The following MTURN variants were observed in gnomAD, a reference collection of about 807,000 sequenced individuals.
MTURN encodes the protein maturin, neural progenitor differentiation regulator homolog.
Under a neutral mutation model 14.9 loss-of-function variants are expected in MTURN, and 7 were observed. That is an observed-to-expected ratio of 0.47 (90% CI 0.27 to 0.88). The LOEUF (loss-of-function observed/expected upper bound fraction) is 0.88. Ranked by LOEUF, MTURN falls within the 40% of genes least tolerant of loss-of-function variation. The pLI, the probability that MTURN is intolerant of heterozygous loss-of-function variation, is 0.14. For synonymous variants in MTURN, 69 were observed against 72.5 expected (o/e 0.95, Z 0.25); for missense variants, 151 against 174.1 (o/e 0.87, Z 0.75).
At chr7:30,141,971 C>A (rs938948578) in intron 1 of MTURN, among the ~76,000 whole-genome samples, 2 of 152,178 alleles carry the variant, frequency 1.3e-5, no homozygotes, top group African/African-American at 4.8e-5. Flanking sequence ...GTTCTTACCT[C>A]CCCTGCCACC....
In MTURN at chr7:30,135,190, C is replaced by T. The variant is rs777824725; in HGVS notation, c.54C>T (p.Pro18=). The change falls in exon 1 of 3, where the codon CCC becomes CCT. Residue 18 remains proline, a synonymous_variant. Coordinates refer to ENST00000324453, the MANE Select transcript of MTURN (RefSeq NM_152793.3). ...CGGAGAAATGGTGCTCCAACACGCCCTTCGAGCTCATCGCCACCGAGGAGA... is the reference window on the plus strand; with the variant it reads ...CGGAGAAATGGTGCTCCAACACGCCTTTCGAGCTCATCGCCACCGAGGAGA... ...DVAEKWCSNT[P]FELIATEETE... The T allele has an allele frequency of 2.0e-6, 3 of 1,503,580 alleles. No individual in the cohort carries two copies. Among genetic ancestry groups the T allele is most frequent in the Non-Finnish European group, 2.7e-6 (3 of 1,124,192 alleles). 93.1% of individuals were successfully genotyped at this position (1,503,580 alleles called of 1,614,324 possible).
chr7:30,155,386 G>T lies in MTURN; in HGVS notation c.286-2052G>T, dbSNP rs566326441. On this transcript the variant is annotated intron_variant, in intron 2 of 2. Coordinates refer to ENST00000324453, the MANE Select transcript of MTURN (RefSeq NM_152793.3). The stretch of plus-strand genomic sequence containing the variant: ...GACACTTTTACCTTGCTATGTCATC[G>T]AGCAGCTCTCCAAATAAAAAATTGA... 2.6e-5 allele frequency among the ~76,000 whole-genome samples: 4 copies of T among 152,190 alleles called. No homozygotes were observed. In the East Asian group the frequency reaches 7.7e-4, roughly 29 times the overall value.
chr7:30,150,436 C>CA (rs1797190786), intron 2 of MTURN, among the ~76,000 whole-genome samples: 1 of 152,218 alleles, frequency 6.6e-6, no homozygotes, highest in African/African-American at 2.4e-5. Context: ...CCACACGACT[C>CA]ACTGTGCTAG....
rs1249112821 is a variant in MTURN, at chr7:30,161,809, A to C, written c.*4261A>C. On this transcript the variant is annotated 3_prime_UTR_variant, in exon 3 of 3. Coordinates refer to ENST00000324453, the MANE Select transcript of MTURN (RefSeq NM_152793.3). The stretch of plus-strand genomic sequence containing the variant: ...ATTAAAAACTGATCCTTTTTCATAA[A>C]GACCCAGTCACTTCTCCCAGTTTAG... 6.6e-6 allele frequency: 1 copy of C among 152,150 alleles called. No individual in the cohort carries two copies. Among genetic ancestry groups the C allele is most frequent in the Non-Finnish European group, 1.5e-5 (1 of 68,018 alleles). 9.4% of individuals were successfully genotyped at this position (152,150 alleles called of 1,614,324 possible).
At chr7:30,153,945 T>C (rs1007765280) in intron 2 of MTURN, among the ~76,000 whole-genome samples, 1 of 152,162 alleles carries the variant, frequency 6.6e-6, no homozygotes, top group Non-Finnish European at 1.5e-5. Flanking sequence ...CTCAAACTCC[T>C]GTCCTCAAGT....
At chr7:30,145,977 G>A (rs1477536700) in intron 1 of MTURN, 200 bp from the exon 2 acceptor site, 43 of 1,550,998 alleles carry the variant, frequency 2.8e-5, no homozygotes, top group East Asian at 2.2e-4. Flanking sequence ...CCAAAAGCTC[G>A]GGGGCTTCTA....
At chr7:30,140,266 A>C (rs1255196777) in intron 1 of MTURN, among the ~76,000 whole-genome samples, 1 of 151,982 alleles carries the variant, frequency 6.6e-6, no homozygotes, top group African/African-American at 2.4e-5. Flanking sequence ...GACACGTTGG[A>C]CTCTAAAATT....
intron 2 of MTURN, among the ~76,000 whole-genome samples, chr7:30,155,725 G>T (rs1323687001): frequency 6.6e-6 from 1 of 152,202 alleles, no homozygotes; most frequent in African/African-American, 2.4e-5. Flanking sequence ...GACCAACAAT[G>T]CCTAGCAGAT....
intron 2 of MTURN, among the ~76,000 whole-genome samples, chr7:30,153,175 C>T (rs538940367): frequency 7.9e-5 from 12 of 152,188 alleles, no homozygotes; most frequent in South Asian, 2.1e-4. Flanking sequence ...TCTGTGTGTA[C>T]GCCTGTCTCT....
Position 30,158,923 on chromosome 7 carries a change from A to G in MTURN, c.*1375A>G, listed in dbSNP as rs1213919021. 1 of 152,250 alleles carries G rather than the reference A, an allele frequency of 6.6e-6. No individual in the cohort carries two copies. The highest frequency in any genetic ancestry group is 2.1e-4 in the South Asian group (1 of 4,828). The allele number at this position is 152,250 out of a possible 1,614,324, so 9.4% of individuals were successfully genotyped here. Reference sequence around the variant, plus strand: ...TGCCTGTTAGGTTGTGAAAGTTTTGAATTAAAAACAAGCAGTAGCAGCAGA... The same window carrying G: ...TGCCTGTTAGGTTGTGAAAGTTTTGGATTAAAAACAAGCAGTAGCAGCAGA... On this transcript the variant is annotated 3_prime_UTR_variant, in exon 3 of 3. Coordinates refer to ENST00000324453, the MANE Select transcript of MTURN (RefSeq NM_152793.3).
chr7:30,157,141 ATG>A (rs1290763189), intron 2 of MTURN, among the ~76,000 whole-genome samples: 2 of 152,242 alleles, frequency 1.3e-5, no homozygotes, highest in East Asian at 1.9e-4. Flanking sequence ...GACATCCCAG[ATG>A]TGTGTGTGGG....
chr7:30,135,001 T>G lies in MTURN; in HGVS notation c.-136T>G. Reference sequence around the variant, plus strand: ...CGCCCGCCCCACTCCGCACCGCATGTAAACAGTCCCAGCCGGCCCAGCCCG... The same window carrying G: ...CGCCCGCCCCACTCCGCACCGCATGGAAACAGTCCCAGCCGGCCCAGCCCG... On this transcript the variant is annotated 5_prime_UTR_variant, in exon 1 of 3. An upstream open reading frame in the 5' UTR loses its in-frame stop. Transcript: ENST00000324453. The G allele has an allele frequency of 1.7e-5, 12 of 706,002 alleles. No homozygotes were observed. Among genetic ancestry groups the G allele is most frequent in the Non-Finnish European group, 2.1e-5 (12 of 566,662 alleles). The allele number at this position is 706,002 out of a possible 1,614,324, so 43.7% of individuals were successfully genotyped here. A position where few individuals can be genotyped will look rare whatever the true frequency, so the allele number is the denominator to read the frequency against.
At chr7:30,147,941 T>C (rs1178919825) in intron 2 of MTURN, among the ~76,000 whole-genome samples, 1 of 152,230 alleles carries the variant, frequency 6.6e-6, no homozygotes, top group East Asian at 1.9e-4. Context: ...AAATATGTTT[T>C]GGGTACCCAC....
At chr7:30,136,791 C>A (rs1330120071) in intron 1 of MTURN, among the ~76,000 whole-genome samples, 3 of 151,992 alleles carry the variant, frequency 2.0e-5, no homozygotes, top group African/African-American at 4.8e-5. Flanking sequence ...GTTTCCACAT[C>A]CAAAAAAATA....
chr7:30,157,348 C>T (rs1487590318), intron 2 of MTURN, 90 bp from the exon 3 acceptor site: 2 of 1,123,204 alleles, frequency 1.8e-6, no homozygotes, highest in East Asian at 5.5e-5. Flanking sequence ...GTTAAGTACT[C>T]TTTAATGTGG....
At chr7:30,146,143 T>C (rs1562568974) in intron 1 of MTURN, 34 bp from the exon 2 acceptor site, 1 of 1,613,186 alleles carries the variant, frequency 6.2e-7, no homozygotes, top group African/African-American at 1.3e-5. Context: ...CTGTGTGTCT[T>C]TGTTTTCTCC....
chr7:30,137,007 A>G (rs1416352633), intron 1 of MTURN, among the ~76,000 whole-genome samples: 1 of 152,146 alleles, frequency 6.6e-6, no homozygotes, highest in Non-Finnish European at 1.5e-5. Flanking sequence ...CTGAACAATA[A>G]TATTAATGCC....
At chr7:30,154,581 G>T (rs1348719887) in intron 2 of MTURN, among the ~76,000 whole-genome samples, 1 of 152,222 alleles carries the variant, frequency 6.6e-6, no homozygotes. Context: ...GATAGAGCAG[G>T]TATCATGGCG....
At position 30,142,196 on chromosome 7, in the gene MTURN, C is replaced by T. The variant is rs553770506; in HGVS notation, c.163-3981C>T. On this transcript the variant is annotated intron_variant, in intron 1 of 2. Coordinates refer to ENST00000324453, the MANE Select transcript of MTURN (RefSeq NM_152793.3). ...TTTGCAGGTGACATAGTTATATTCT[C>T]TTAAGCTGGGCAAGCTTTTATGATA... 2.3e-4 allele frequency among the ~76,000 whole-genome samples: 35 copies of T among 152,338 alleles called. No homozygotes were observed. The South Asian group carries it at 5.2e-3, about 23-fold the overall frequency.
Sources: gnomAD v4.1 joint callset for allele counts (sites outside exome capture counted in the v4.1 genomes callset) on GRCh38, gnomAD v4.1.1 for gene constraint, MANE v1.5 for transcripts, NCBI Gene and HGNC (gene_info 2026-07-23, HGNC 2026-07-21) for gene names.